PRKCA: variants seen among roughly 807,000 people sequenced by gnomAD.
PRKCA encodes the protein protein kinase C alpha type.
PRKCA carries 27 observed loss-of-function variants against 87.0 expected under a neutral mutation model. The ratio of observed to expected loss-of-function variants is 0.31; its 90% CI spans 0.23 to 0.43. The LOEUF is 0.43. Ranked by LOEUF, PRKCA falls within the 20% of genes least tolerant of loss-of-function variation. The pLI is 1.00. For synonymous variants in PRKCA, 329 were observed against 311.1 expected (o/e 1.06, Z -0.61); for missense variants, 518 against 852.3 (o/e 0.61, Z 4.88).
intron 3 of PRKCA, among the ~76,000 whole-genome samples, chr17:66,587,895 G>GTGTATA (rs1485055138): frequency 2.1e-4 from 18 of 85,390 alleles, no homozygotes; most frequent in East Asian, 1.0e-3. Context: ...GTGTGTGTGT[G>GTGTATA]TATATATATA....
At chr17:66,651,653 G>A (rs1346871792) in intron 5 of PRKCA, among the ~76,000 whole-genome samples, 1 of 152,128 alleles carries the variant, frequency 6.6e-6, no homozygotes, top group African/African-American at 2.4e-5. Flanking sequence ...CTTGGTTATG[G>A]GATTTGGATC....
intron 14 of PRKCA, among the ~76,000 whole-genome samples, chr17:66,778,858 A>C (rs2144351846): frequency 6.6e-6 from 1 of 152,038 alleles, no homozygotes; most frequent in South Asian, 2.1e-4. Flanking sequence ...AAAAAAAAAA[A>C]AAAACAACAA....
At position 66,732,700 on chromosome 17, in the gene PRKCA, G is replaced by T; in HGVS notation, c.931G>T (p.Gly311Cys). 1 of 1,613,914 alleles carries T rather than the reference G, an allele frequency of 6.2e-7. No individual in the cohort carries two copies. The highest frequency in any genetic ancestry group is 2.2e-5 in the East Asian group (1 of 44,882). Reference protein sequence around the residue: ...LRQKFEKAKLGPAGNKVISPS... With the variant: ...LRQKFEKAKLCPAGNKVISPS... ...GCTTGTTATTTAGAAAGCCAAACTTGGCCCTGCTGGCAACAAAGTCATCAG... is the reference window on the plus strand; with the variant it reads ...GCTTGTTATTTAGAAAGCCAAACTTTGCCCTGCTGGCAACAAAGTCATCAG... The change falls in exon 9 of 17, where the codon GGC (glycine) becomes TGC (cysteine). Residue 311 changes from glycine to cysteine, a missense_variant. By Grantham distance (159) the Gly-to-Cys change is radical. Transcript: ENST00000413366.
intron 13 of PRKCA, among the ~76,000 whole-genome samples, chr17:66,771,699 G>A (rs747577280): frequency 5.3e-5 from 8 of 151,896 alleles, no homozygotes; most frequent in Non-Finnish European, 8.8e-5. Flanking sequence ...GGGTTCAAGC[G>A]ATTCTCCTAC....
At chr17:66,352,237 G>A (rs1464713485) in intron 2 of PRKCA, among the ~76,000 whole-genome samples, 2 of 152,084 alleles carry the variant, frequency 1.3e-5, no homozygotes, top group Non-Finnish European at 2.9e-5. Context: ...CATAGGGTCC[G>A]GACAGTACCC....
At chr17:66,702,065 G>A (rs553088984) in intron 8 of PRKCA, among the ~76,000 whole-genome samples, 1 of 151,980 alleles carries the variant, frequency 6.6e-6, no homozygotes, top group African/African-American at 2.4e-5. Context: ...GAAACAGTGT[G>A]TTCATTAATA....
chr17:66,612,766 C>T (rs546220588), intron 3 of PRKCA, among the ~76,000 whole-genome samples: 52 of 150,510 alleles, frequency 3.5e-4, no homozygotes, highest in Admixed American at 2.6e-3. Context: ...TGTATGGAAA[C>T]TCAAGAGATA....
At chr17:66,721,029 G>T (rs1033844797) in intron 8 of PRKCA, among the ~76,000 whole-genome samples, 5 of 152,144 alleles carry the variant, frequency 3.3e-5, no homozygotes, top group Admixed American at 2.0e-4. Context: ...GAGAGTTCTT[G>T]AATTTCATGG....
At chr17:66,554,218 A>T (rs146844374) in intron 3 of PRKCA, among the ~76,000 whole-genome samples, 10 of 151,022 alleles carry the variant, frequency 6.6e-5, no homozygotes, top group African/African-American at 2.4e-4. Context: ...CTTGGGCAAC[A>T]TCGTGTGACC....
intron 15 of PRKCA, among the ~76,000 whole-genome samples, chr17:66,788,324 A>G (rs575315691): frequency 6.6e-6 from 1 of 152,300 alleles, no homozygotes; most frequent in African/African-American, 2.4e-5. Flanking sequence ...GCAGTGGGCA[A>G]GTCGGAATTA....
chr17:66,451,631 T>C (rs1443291044), intron 2 of PRKCA, among the ~76,000 whole-genome samples: 3 of 152,132 alleles, frequency 2.0e-5, no homozygotes, highest in Non-Finnish European at 4.4e-5. Flanking sequence ...CATATTTGTA[T>C]TTGCTTTTCT....
chr17:66,603,597 TGTG>T (rs1254394186), intron 3 of PRKCA, among the ~76,000 whole-genome samples: 4 of 152,216 alleles, frequency 2.6e-5, no homozygotes, highest in Admixed American at 2.0e-4. Flanking sequence ...TTGTTTTTAT[TGTG>T]GTGAAATATC....
chr17:66,436,732 G>A (rs1381469270), intron 2 of PRKCA, among the ~76,000 whole-genome samples: 1 of 152,208 alleles, frequency 6.6e-6, no homozygotes, highest in Non-Finnish European at 1.5e-5. Context: ...AAATACCTCT[G>A]TGGATTGGTG....
At chr17:66,763,295 G>C (rs1255756448) in intron 13 of PRKCA, among the ~76,000 whole-genome samples, 2 of 152,194 alleles carry the variant, frequency 1.3e-5, no homozygotes, top group African/African-American at 4.8e-5. Context: ...CCCAACCAGG[G>C]AGAAGTCTGG....
At chr17:66,471,080 A>G (rs1393214735) in intron 2 of PRKCA, among the ~76,000 whole-genome samples, 3 of 151,684 alleles carry the variant, frequency 2.0e-5, no homozygotes, top group African/African-American at 4.9e-5. Flanking sequence ...TACATACAAG[A>G]GCTTTAGCTT....
chr17:66,594,621 A>C (rs1438901102), intron 3 of PRKCA, among the ~76,000 whole-genome samples: 2 of 146,198 alleles, frequency 1.4e-5, no homozygotes, highest in Non-Finnish European at 3.0e-5. Flanking sequence ...GTTTTTTTTT[A>C]ATTTATTTGT....
chr17:66,334,706 C>T (rs1403142746), intron 2 of PRKCA, among the ~76,000 whole-genome samples: 1 of 152,180 alleles, frequency 6.6e-6, no homozygotes, highest in Non-Finnish European at 1.5e-5. Context: ...GAAGGCTTCT[C>T]AAAACATTAA....
At chr17:66,351,230 G>T (rs1907725236) in intron 2 of PRKCA, among the ~76,000 whole-genome samples, 1 of 152,214 alleles carries the variant, frequency 6.6e-6, no homozygotes, top group Admixed American at 6.5e-5. Flanking sequence ...TGAAGTGTTA[G>T]CACTGTTCTG....
At position 66,771,625 on chromosome 17, in the gene PRKCA, G is replaced by A. The variant is rs989027252; in HGVS notation, c.1525-2362G>A. On this transcript the variant is annotated intron_variant, in intron 13 of 16. Transcript: ENST00000413366. The stretch of plus-strand genomic sequence containing the variant: ...TTTATTTTTTTTGAGACGGAGTCTC[G>A]CTCTCTTGCCCAGGCTAGAGTGCAG... Among the ~76,000 whole-genome samples the A allele has an allele frequency of 6.6e-5, 10 of 151,046 alleles. 1 individual carries two copies. Among genetic ancestry groups the A allele is most frequent in the African/African-American group, 9.8e-5 (4 of 41,016 alleles).
Sources: gnomAD v4.1 joint callset for allele counts (sites outside exome capture counted in the v4.1 genomes callset) on GRCh38, gnomAD v4.1.1 for gene constraint, MANE v1.5 for transcripts, NCBI Gene and HGNC (gene_info 2026-07-23, HGNC 2026-07-21) for gene names.